The following GHR variants were observed in gnomAD, a reference collection of about 807,000 sequenced individuals.
GHR encodes the protein GH receptor.
Under a neutral mutation model 67.1 loss-of-function variants are expected in GHR, and 35 were observed. The ratio of observed to expected loss-of-function variants is 0.52; its 90% CI spans 0.40 to 0.69. GHR has a LOEUF of 0.69. GHR is among the 30% of genes least tolerant of loss of function. GHR has a pLI of 0.00. For synonymous variants in GHR, 272 were observed against 269.1 expected, an observed-to-expected ratio of 1.01 and a Z score of -0.10; for missense variants, 792 against 764.6, an observed-to-expected ratio of 1.04 and a Z score of -0.42.
chr5:42,696,325 A>G (rs564451454), intron 5 of GHR, among the ~76,000 whole-genome samples: 2 of 152,244 alleles, frequency 1.3e-5, no homozygotes, highest in Non-Finnish European at 2.9e-5. Flanking sequence ...GCCTGGAAAT[A>G]CGTGGAATGC....
intron 1 of GHR, among the ~76,000 whole-genome samples, chr5:42,474,295 G>GAAAAAGAAAGAAAGAAAGAA (rs147851081): frequency 1.2e-5 from 1 of 81,070 alleles, no homozygotes; most frequent in Non-Finnish European, 2.4e-5. Context: ...AAAAGAGAAA[G>GAAAAAGAAAGAAAGAAAGAA]AGAAAGAAAG....
rs1220270630 is a variant in GHR at position 42,465,599 on chromosome 5, A to T, written c.-12+41644A>T. 6.0e-6 allele frequency: 7 copies of T among 1,168,530 alleles called. No homozygotes were observed. In the South Asian group the frequency reaches 8.5e-5, roughly 14 times the overall value. 72.4% of individuals were successfully genotyped at this position (1,168,530 alleles called of 1,614,324 possible). A position where few individuals can be genotyped will look rare whatever the true frequency, so the allele number is the denominator to read the frequency against. ...GCAATTATAAGATATTTGTTTCTGA[A>T]TGTATTTGGGGGACTCTGTTAATTC... On this transcript the variant is annotated intron_variant, in intron 1 of 9. Transcript: ENST00000230882.
At chr5:42,430,607 C>T (rs1468260530) in intron 1 of GHR, among the ~76,000 whole-genome samples, 3 of 147,408 alleles carry the variant, frequency 2.0e-5, no homozygotes, top group South Asian at 2.2e-4. Context: ...ATGCTAGTCC[C>T]GTGTGTGTGT....
intron 1 of GHR, among the ~76,000 whole-genome samples, chr5:42,472,279 G>A (rs1745047301): frequency 6.6e-6 from 1 of 152,100 alleles, no homozygotes; most frequent in South Asian, 2.1e-4. Flanking sequence ...TCATGTTCTG[G>A]TTTTATATGT....
At chr5:42,612,267 C>A (rs1005846523) in intron 2 of GHR, among the ~76,000 whole-genome samples, 1 of 152,076 alleles carries the variant, frequency 6.6e-6, no homozygotes, top group Non-Finnish European at 1.5e-5. Context: ...GAACTTCAAC[C>A]AGAAGCAAGT....
chr5:42,433,567 G>A (rs1561300584), intron 1 of GHR, among the ~76,000 whole-genome samples: 1 of 151,946 alleles, frequency 6.6e-6, no homozygotes, highest in South Asian at 2.1e-4. Flanking sequence ...TACATTCATG[G>A]TGTGATTATG....
intron 1 of GHR, among the ~76,000 whole-genome samples, chr5:42,479,182 T>C (rs573257579): frequency 1.8e-4 from 27 of 152,308 alleles, no homozygotes; most frequent in African/African-American, 5.5e-4. Context: ...TATGCTGGAT[T>C]ACATTTATTG....
intron 1 of GHR, among the ~76,000 whole-genome samples, chr5:42,462,147 A>G (rs1744513577): frequency 6.6e-6 from 1 of 152,202 alleles, no homozygotes; most frequent in Non-Finnish European, 1.5e-5. Context: ...TTTCCAACCC[A>G]CATATAGACA....
intron 1 of GHR, among the ~76,000 whole-genome samples, chr5:42,556,847 G>T (rs377633955): frequency 3.2e-4 from 48 of 152,140 alleles, no homozygotes; most frequent in African/African-American, 1.1e-3. Context: ...ATAGAATAAC[G>T]GTGCATACCA....
chr5:42,588,507 C>T (rs1051871469), intron 2 of GHR, among the ~76,000 whole-genome samples: 5 of 87,722 alleles, frequency 5.7e-5, no homozygotes, highest in Non-Finnish European at 8.2e-5. Context: ...GCCTGGGCAG[C>T]AAAAGCGAAA....
At chr5:42,509,051 C>G (rs1338317739) in intron 1 of GHR, among the ~76,000 whole-genome samples, 1 of 152,116 alleles carries the variant, frequency 6.6e-6, no homozygotes, top group Non-Finnish European at 1.5e-5. Context: ...CAGCTGACAA[C>G]AAATAAACAT....
In GHR at chr5:42,589,923, G is replaced by A. The variant is rs555318828; in HGVS notation, c.70+23979G>A. On this transcript the variant is annotated intron_variant, in intron 2 of 9. Transcript: ENST00000230882. ...GGTGAGAAATTCACAGCCAAAGAGG[G>A]CCATATGGAGGTGAAAACACTGGTA... 1.2e-4 allele frequency among the ~76,000 whole-genome samples: 19 copies of A among 152,284 alleles called. No homozygotes were observed. In the East Asian group the frequency reaches 3.7e-3, roughly 29 times the overall value.
chr5:42,551,056 A>T (rs1749004011), intron 1 of GHR, among the ~76,000 whole-genome samples: 1 of 152,148 alleles, frequency 6.6e-6, no homozygotes. Flanking sequence ...CTGACATTAT[A>T]TCCACTGACA....
intron 2 of GHR, among the ~76,000 whole-genome samples, chr5:42,606,402 C>CTAG (rs1450496302): frequency 6.6e-6 from 1 of 152,150 alleles, no homozygotes; most frequent in Admixed American, 6.5e-5. Flanking sequence ...AAGCATGATG[C>CTAG]TAGCATCTGC....
chr5:42,502,396 G>T (rs1746576206), intron 1 of GHR, among the ~76,000 whole-genome samples: 1 of 152,128 alleles, frequency 6.6e-6, no homozygotes, highest in Non-Finnish European at 1.5e-5. Flanking sequence ...CCCTCTATGT[G>T]CCTTCTGCTT....
At chr5:42,672,363 G>A (rs1756360032) in intron 3 of GHR, among the ~76,000 whole-genome samples, 2 of 152,106 alleles carry the variant, frequency 1.3e-5, no homozygotes, top group Admixed American at 1.3e-4. Context: ...TTCACATTGA[G>A]AGCCAAACCA....
chr5:42,683,607 C>T (rs984273961), intron 3 of GHR, among the ~76,000 whole-genome samples: 1 of 151,938 alleles, frequency 6.6e-6, no homozygotes, highest in African/African-American at 2.4e-5. Context: ...CTGTCTGCCA[C>T]AGCACTTAAC....
intron 3 of GHR, chr5:42,647,918 T>C (rs1561195343): frequency 5.4e-6 from 1 of 186,342 alleles, no homozygotes; most frequent in East Asian, 1.6e-4. Flanking sequence ...AAGACAGCAT[T>C]CTATATCATG....
At chr5:42,602,722 T>C (rs1752440924) in intron 2 of GHR, among the ~76,000 whole-genome samples, 1 of 152,198 alleles carries the variant, frequency 6.6e-6, no homozygotes, top group Non-Finnish European at 1.5e-5. Flanking sequence ...GAGTTGTAAC[T>C]GTCCAATTTA....
Sources: gnomAD v4.1 joint callset for allele counts (sites outside exome capture counted in the v4.1 genomes callset) on GRCh38, gnomAD v4.1.1 for gene constraint, MANE v1.5 for transcripts, NCBI Gene and HGNC (gene_info 2026-07-23, HGNC 2026-07-21) for gene names.